Variants in UVRAG observed in about 807,000 individuals in gnomAD.
UVRAG encodes the protein UV radiation resistance-associated gene protein.
A neutral mutation model predicts 78.0 loss-of-function variants in UVRAG; 19 were observed. That is an observed-to-expected ratio of 0.24 (90% CI 0.17 to 0.36). UVRAG has a LOEUF of 0.36. UVRAG is among the 10% of genes least tolerant of loss of function. UVRAG has a pLI of 1.00. For missense variants in UVRAG, 740 were observed against 853.8 expected, an observed-to-expected ratio of 0.87 and a Z score of 1.66; for synonymous variants, 323 against 324.6, an observed-to-expected ratio of 1.00 and a Z score of 0.05.
intron 3 of UVRAG, among the ~76,000 whole-genome samples, chr11:75,879,648 A>C (rs1946894508): frequency 6.6e-6 from 1 of 152,260 alleles, no homozygotes; most frequent in Admixed American, 6.5e-5. Context: ...TAAGTGAGTG[A>C]TAGGAATATA....
chr11:75,862,950 A>T (rs1216551215), intron 3 of UVRAG, among the ~76,000 whole-genome samples: 1 of 152,200 alleles, frequency 6.6e-6, no homozygotes, highest in Non-Finnish European at 1.5e-5. Context: ...TTGTATTTAC[A>T]TGTTATCCCA....
At chr11:75,946,368 A>G (rs1199033345) in intron 6 of UVRAG, among the ~76,000 whole-genome samples, 2 of 152,348 alleles carry the variant, frequency 1.3e-5, no homozygotes, top group East Asian at 3.9e-4. Context: ...TGGAATCATG[A>G]AGAGATGGCT....
At chr11:76,135,992 A>C (rs1370014311) in intron 14 of UVRAG, among the ~76,000 whole-genome samples, 1 of 152,254 alleles carries the variant, frequency 6.6e-6, no homozygotes, top group Admixed American at 6.5e-5. Flanking sequence ...AATTGTCAAC[A>C]GCCTTTAAAA....
chr11:76,041,234 G>A (rs908703285), intron 12 of UVRAG, among the ~76,000 whole-genome samples: 3 of 152,190 alleles, frequency 2.0e-5, no homozygotes, highest in African/African-American at 7.2e-5. Flanking sequence ...GTACGCAATT[G>A]TGGAAGAAGC....
chr11:76,071,040 TA>T (rs1280043984), intron 13 of UVRAG, among the ~76,000 whole-genome samples: 7 of 152,186 alleles, frequency 4.6e-5, no homozygotes, highest in African/African-American at 1.7e-4. Flanking sequence ...CATATCTCAA[TA>T]AAGCTGTTTT....
chr11:75,967,783 G>T (rs1347355278), intron 7 of UVRAG, among the ~76,000 whole-genome samples: 1 of 152,180 alleles, frequency 6.6e-6, no homozygotes, highest in African/African-American at 2.4e-5. Flanking sequence ...CAGTGAATCT[G>T]TTGCAATATC....
intron 7 of UVRAG, among the ~76,000 whole-genome samples, chr11:75,973,144 T>C (rs1949159339): frequency 6.6e-6 from 1 of 152,226 alleles, no homozygotes. Context: ...ATCTAGTTTC[T>C]TACTATTAAG....
At chr11:76,060,624 G>A (rs773993300) in intron 12 of UVRAG, among the ~76,000 whole-genome samples, 7 of 152,220 alleles carry the variant, frequency 4.6e-5, no homozygotes, top group East Asian at 1.9e-4. Flanking sequence ...CTGGAGTTCC[G>A]GGTGGGCGTG....
At chr11:75,957,888 A>G (rs919296575) in intron 6 of UVRAG, among the ~76,000 whole-genome samples, 20 of 152,340 alleles carry the variant, frequency 1.3e-4, no homozygotes, top group East Asian at 3.9e-4. Context: ...TACCCCAATA[A>G]AGCAAATATT....
chr11:75,927,070 A>ATTTT (rs534709272), intron 6 of UVRAG, among the ~76,000 whole-genome samples: 2 of 137,394 alleles, frequency 1.5e-5, no homozygotes, highest in South Asian at 2.3e-4. Flanking sequence ...TGGCAAAGGC[A>ATTTT]TTTTTTTTTT....
intron 12 of UVRAG, among the ~76,000 whole-genome samples, chr11:76,031,195 TC>T (rs1173215638): frequency 6.6e-6 from 1 of 152,194 alleles, no homozygotes; most frequent in Non-Finnish European, 1.5e-5. Context: ...GCTATTAACT[TC>T]TGTGCTGTTG....
intron 12 of UVRAG, 27 bp from the exon 13 acceptor site, chr11:76,065,683 T>C: frequency 2.5e-6 from 4 of 1,607,814 alleles, no homozygotes; most frequent in Non-Finnish European, 3.4e-6. Context: ...CTTTTGAAAA[T>C]ATCTGATCCT....
chr11:75,843,196 G>T (rs2135844931), intron 1 of UVRAG, among the ~76,000 whole-genome samples: 1 of 152,330 alleles, frequency 6.6e-6, no homozygotes, highest in Non-Finnish European at 1.5e-5. Context: ...AGTTCTGTCA[G>T]TTCTGGTGTG....
At chr11:75,845,173 A>C (rs1230087422) in intron 1 of UVRAG, among the ~76,000 whole-genome samples, 1 of 152,176 alleles carries the variant, frequency 6.6e-6, no homozygotes, top group Non-Finnish European at 1.5e-5. Context: ...GAATGTTTTT[A>C]ACCTTTATAT....
chr11:76,094,417 A>G (rs1252782849), intron 13 of UVRAG, among the ~76,000 whole-genome samples: 1 of 152,202 alleles, frequency 6.6e-6, no homozygotes, highest in African/African-American at 2.4e-5. Flanking sequence ...TGATTGGAAT[A>G]GTTTCAGAAG....
intron 1 of UVRAG, among the ~76,000 whole-genome samples, chr11:75,831,226 C>T (rs1376811786): frequency 3.3e-5 from 5 of 152,148 alleles, no homozygotes; most frequent in Non-Finnish European, 5.9e-5. Flanking sequence ...CGGTGGCTCA[C>T]ACCTGTAATC....
chr11:75,847,920 G>A (rs1946069698), intron 1 of UVRAG, among the ~76,000 whole-genome samples: 1 of 148,730 alleles, frequency 6.7e-6, no homozygotes. Context: ...GCAGTGAGCC[G>A]AGATCGCACC....
chr11:76,123,938 G>A (rs1421344684), intron 14 of UVRAG, among the ~76,000 whole-genome samples: 1 of 151,582 alleles, frequency 6.6e-6, no homozygotes, highest in Non-Finnish European at 1.5e-5. Context: ...GCTAATTTTT[G>A]TATTTTTAGT....
At chr11:76,109,344 A>C (rs117757281) in intron 13 of UVRAG, among the ~76,000 whole-genome samples, 4 of 152,122 alleles carry the variant, frequency 2.6e-5, no homozygotes, top group African/African-American at 9.7e-5. Flanking sequence ...AAAACCCTGG[A>C]GTAGGTTCTT....
Sources: allele counts gnomAD v4.1 joint callset (sites outside exome capture counted in the v4.1 genomes callset), GRCh38; gene constraint gnomAD v4.1.1; transcripts MANE v1.5; gene names NCBI Gene and HGNC (gene_info 2026-07-23, HGNC 2026-07-21).